The following MTMR12 variants were observed in gnomAD, a reference collection of about 807,000 sequenced individuals.
The protein encoded by MTMR12 is myotubularin-related protein 12.
In MTMR12, 33 loss-of-function variants were observed where a neutral mutation model predicts 96.7. The ratio of observed to expected loss-of-function variants is 0.34; its 90% CI spans 0.26 to 0.46. The LOEUF (loss-of-function observed/expected upper bound fraction) is 0.46. Among genes scored for constraint, MTMR12 ranks in the 20% least tolerant of loss-of-function variants. MTMR12 has a pLI of 1.00. For missense variants in MTMR12, 721 were observed against 896.1 expected, an observed-to-expected ratio of 0.80 and a Z score of 2.49; for synonymous variants, 298 against 327.2, an observed-to-expected ratio of 0.91 and a Z score of 0.96.
intron 1 of MTMR12, among the ~76,000 whole-genome samples, chr5:32,309,989 G>A (rs1450225374): frequency 3.9e-5 from 6 of 152,102 alleles, no homozygotes; most frequent in Non-Finnish European, 7.4e-5. Flanking sequence ...CATATGATCC[G>A]GCAAGCCCAC....
chr5:32,249,599 T>C (rs191685678), intron 8 of MTMR12, among the ~76,000 whole-genome samples: 22 of 152,306 alleles, frequency 1.4e-4, no homozygotes, highest in Non-Finnish European at 2.9e-5. Context: ...ATGTATTATA[T>C]AACTGAAGAA....
Position 32,274,093 on chromosome 5 carries a change from CT to C in MTMR12, c.171del (p.Val58TyrfsTer2). The C allele has an allele frequency of 6.2e-7, 1 of 1,614,226 alleles. No individual in the cohort carries two copies. Among genetic ancestry groups the C allele is most frequent in the Non-Finnish European group, 8.5e-7 (1 of 1,180,028 alleles). ...GAATCTTCCTGGACATACTTCAGTA[CT>C]GTGCTGGCTTCACAAAGCAGCTGTT... ...PGEQLLCEAS[T>X]VLKYVQEDSC... is the part of the protein sequence containing the mutation. On this transcript the variant is annotated frameshift_variant, in exon 3 of 16. Transcript: ENST00000382142. LOFTEE classifies it high-confidence loss of function.
chr5:32,245,095 G>A lies in MTMR12; in HGVS notation c.1022-1496C>T, dbSNP rs116470346. ...CCAGGCTGGAGCGCAATGTGCAATG[G>A]CACAATCTCAGCTCACTGCAACCTC... On this transcript the variant is annotated intron_variant, in intron 10 of 15. Coordinates refer to ENST00000382142, the MANE Select transcript of MTMR12 (RefSeq NM_001040446.3). Among the ~76,000 whole-genome samples the A allele has an allele frequency of 3.2e-3, 480 of 152,266 alleles. 1 individual carries two copies. The highest frequency in any genetic ancestry group is 0.011 in the African/African-American group (457 of 41,560).
At chr5:32,299,318 T>C (rs1440332568) in intron 1 of MTMR12, among the ~76,000 whole-genome samples, 5 of 152,156 alleles carry the variant, frequency 3.3e-5, no homozygotes, top group Non-Finnish European at 5.9e-5. Context: ...CATTAGCAAG[T>C]AGGAAGCCCT....
chr5:32,269,255 G>A (rs1749734527), intron 5 of MTMR12, among the ~76,000 whole-genome samples: 1 of 151,950 alleles, frequency 6.6e-6, no homozygotes, highest in Non-Finnish European at 1.5e-5. Context: ...TTGAACTCCT[G>A]ACCTCAACTG....
At chr5:32,311,498 C>T (rs992769850) in intron 1 of MTMR12, among the ~76,000 whole-genome samples, 1 of 152,224 alleles carries the variant, frequency 6.6e-6, no homozygotes, top group Non-Finnish European at 1.5e-5. Flanking sequence ...GATCTCTCAT[C>T]CACAGCCCAC....
chr5:32,304,797 G>A (rs1326553603), intron 1 of MTMR12, among the ~76,000 whole-genome samples: 1 of 152,208 alleles, frequency 6.6e-6, no homozygotes, highest in Non-Finnish European at 1.5e-5. Flanking sequence ...CTGCTTGACA[G>A]AGCCTCATGA....
chr5:32,297,758 A>T (rs1750983479), intron 1 of MTMR12, among the ~76,000 whole-genome samples: 1 of 152,238 alleles, frequency 6.6e-6, no homozygotes, highest in Non-Finnish European at 1.5e-5. Flanking sequence ...TTAAAGAAAG[A>T]AATAAATAAA....
At position 32,312,347 on chromosome 5, in the gene MTMR12, C is replaced by T. The variant is rs996895617; in HGVS notation, c.81+411G>A. On this transcript the variant is annotated intron_variant, in intron 1 of 15. Coordinates refer to ENST00000382142, the MANE Select transcript of MTMR12 (RefSeq NM_001040446.3). This position sits in a 1 kb window ranked among gnomAD's most constrained non-coding sequence, Gnocchi z 5.0. ...CAGCGGAGGCCGGCGGGCTTCTGGG[C>T]TCACTGAGAAAGTCCAGAGGCAGGA... Among the ~76,000 whole-genome samples the T allele has an allele frequency of 2.6e-5, 4 of 152,218 alleles. No homozygotes were observed. Among genetic ancestry groups the T allele is most frequent in the Non-Finnish European group, 5.9e-5 (4 of 68,038 alleles).
At chr5:32,285,966 A>C (rs1008236077) in intron 1 of MTMR12, among the ~76,000 whole-genome samples, 1 of 152,184 alleles carries the variant, frequency 6.6e-6, no homozygotes, top group African/African-American at 2.4e-5. Flanking sequence ...CAGAGTTGCA[A>C]AATGACCCAT....
chr5:32,242,170 G>A (rs758395392), intron 11 of MTMR12, 43 bp from the exon 12 acceptor site: 15 of 1,435,582 alleles, frequency 1.0e-5, no homozygotes, highest in Admixed American at 1.7e-5. Context: ...TAGTTCATGA[G>A]CTTGGTAACA....
Position 32,228,641 on chromosome 5 carries a change from C to CAT in MTMR12, c.*1135_*1136dup, listed in dbSNP as rs1347182403. On this transcript the variant is annotated 3_prime_UTR_variant, in exon 16 of 16. Transcript: ENST00000382142. ...TGATATATATATATCACATATATATCATATATATATCATTTAGACAGCAGA... is the reference window on the plus strand; with the variant it reads ...TGATATATATATATCACATATATATCATATATATATATCATTTAGACAGCAGA... The CAT allele has an allele frequency of 2.6e-5, 3 of 113,270 alleles. No individual in the cohort carries two copies. Among genetic ancestry groups the CAT allele is most frequent in the East Asian group, 5.4e-4 (2 of 3,686 alleles). 7.0% of individuals were successfully genotyped at this position (113,270 alleles called of 1,614,324 possible). A position where few individuals can be genotyped will look rare whatever the true frequency, so the allele number is the denominator to read the frequency against.
intron 1 of MTMR12, among the ~76,000 whole-genome samples, chr5:32,309,039 T>G (rs1751472750): frequency 6.6e-6 from 1 of 152,136 alleles, no homozygotes; most frequent in South Asian, 2.1e-4. Context: ...AAAACAAAGC[T>G]GCCAACTATA....
At position 32,298,964 on chromosome 5, in the gene MTMR12, A is replaced by AG. The variant is rs1751028075; in HGVS notation, c.81+13793_81+13794insC. 2.0e-5 allele frequency among the ~76,000 whole-genome samples: 3 copies of AG among 151,612 alleles called. No individual in the cohort carries two copies. The South Asian group carries it at 6.2e-4, about 32-fold the overall frequency. On this transcript the variant is annotated intron_variant, in intron 1 of 15. Transcript: ENST00000382142. ...CGAGACTCCATCTCAAAAAAAAAAA[A>AG]AAAAAAAGAACAATGCTGGAAAGAA...
At chr5:32,297,244 T>C (rs11741003) in intron 1 of MTMR12, among the ~76,000 whole-genome samples, 7,310 of 152,286 alleles carry the variant, frequency 0.048, 193 homozygotes, top group Middle Eastern at 0.075. Context: ...TTTTAGATCA[T>C]TTTCATCATC....
At chr5:32,280,684 C>T (rs944482446) in intron 1 of MTMR12, among the ~76,000 whole-genome samples, 4 of 152,176 alleles carry the variant, frequency 2.6e-5, no homozygotes, top group South Asian at 2.1e-4. Flanking sequence ...GAAAGAATAC[C>T]GACCTGGGGC....
chr5:32,263,440 T>C (rs1165581485), intron 6 of MTMR12, among the ~76,000 whole-genome samples, 198 bp from the exon 7 acceptor site: 2 of 151,812 alleles, frequency 1.3e-5, no homozygotes, highest in Non-Finnish European at 2.9e-5. Context: ...CTCTTTTTTT[T>C]TTTTTTTTGA....
Position 32,307,543 on chromosome 5 carries a change from C to T in MTMR12, c.81+5215G>A, listed in dbSNP as rs112718198. 2.6e-3 allele frequency among the ~76,000 whole-genome samples: 396 copies of T among 152,282 alleles called. 2 individuals carry two copies. The highest frequency in any genetic ancestry group is 9.0e-3 in the African/African-American group (373 of 41,546). On this transcript the variant is annotated intron_variant, in intron 1 of 15. Coordinates refer to ENST00000382142, the MANE Select transcript of MTMR12 (RefSeq NM_001040446.3). ...CTTTACCAACATGTAATCCCCTGAG[C>T]AGAGTTTTCAAAACATAATCAAAGG...
intron 13 of MTMR12, 50 bp from the exon 14 acceptor site, chr5:32,235,179 C>T: frequency 1.9e-6 from 3 of 1,555,274 alleles, no homozygotes; most frequent in Non-Finnish European, 2.6e-6. Flanking sequence ...CAGAGCAAGC[C>T]ATCCTGAGTT....
Sources: gnomAD v4.1 joint callset for allele counts (sites outside exome capture counted in the v4.1 genomes callset) on GRCh38, gnomAD v4.1.1 for gene constraint, Gnocchi (gnomAD v3.1) non-coding constraint, MANE v1.5 for transcripts, NCBI Gene and HGNC (gene_info 2026-07-23, HGNC 2026-07-21) for gene names.